Variants in LRRC28 observed in about 807,000 individuals in gnomAD.
LRRC28 encodes leucine rich repeat containing 28.
Under a neutral mutation model 45.7 loss-of-function variants are expected in LRRC28, and 39 were observed. The observed-to-expected ratio is 0.85, with a 90% CI of 0.66 to 1.12. The LOEUF is 1.12. Among genes scored for constraint, LRRC28 ranks in the 50% most tolerant of loss-of-function variants. The probability of loss-of-function intolerance (pLI) is 0.00; values close to 1 mark genes in which losing one functional copy is unlikely to be tolerated. For synonymous variants in LRRC28, 206 were observed against 178.8 expected, an observed-to-expected ratio of 1.15 and a Z score of -1.22; for missense variants, 435 against 438.5, an observed-to-expected ratio of 0.99 and a Z score of 0.07.
intron 1 of LRRC28, among the ~76,000 whole-genome samples, chr15:99,252,502 T>C (rs2080860035): frequency 6.6e-6 from 1 of 152,226 alleles, no homozygotes; most frequent in Admixed American, 6.5e-5. Context: ...GAGTGTGGTT[T>C]TGCATTATAG....
intron 9 of LRRC28, 169 bp downstream of exon 9, chr15:99,363,434 AC>A: frequency 1.5e-6 from 1 of 663,368 alleles, no homozygotes; most frequent in South Asian, 2.3e-5. Context: ...TCACAAGAAA[AC>A]TGGACTTGCC....
intron 5 of LRRC28, among the ~76,000 whole-genome samples, chr15:99,290,245 T>A (rs998434996): frequency 2.7e-5 from 4 of 147,800 alleles, no homozygotes; most frequent in Admixed American, 1.4e-4. Flanking sequence ...GGTGACAGAG[T>A]GAGACCCTGC....
At chr15:99,258,953 TC>T in intron 2 of LRRC28, 2 of 739,408 alleles carry the variant, frequency 2.7e-6, no homozygotes, top group South Asian at 2.7e-5. Context: ...TTTGAATGTT[TC>T]CTGTGAGACT....
chr15:99,258,946 G>T, intron 2 of LRRC28: 1 of 735,450 alleles, frequency 1.4e-6, no homozygotes, highest in Non-Finnish European at 2.6e-6. Flanking sequence ...GTCTGTCTTT[G>T]AATGTTTCCT....
rs532086716 is a variant in LRRC28, at chr15:99,362,286, A to G, written c.871+775A>G. ...GGTTTTAAAAGCTAAACAGAAAATT[A>G]TAGTTGTTCACCAATCAGTCAATTC... On this transcript the variant is annotated intron_variant, in intron 8 of 9. Coordinates refer to ENST00000301981, the MANE Select transcript of LRRC28 (RefSeq NM_144598.5). Among the ~76,000 whole-genome samples, 21 of 152,344 alleles carry G rather than the reference A, an allele frequency of 1.4e-4. No homozygotes were observed. In the South Asian group the frequency reaches 2.1e-3, roughly 15 times the overall value.
At chr15:99,322,351 T>A (rs747592719) in intron 5 of LRRC28, among the ~76,000 whole-genome samples, 1 of 151,972 alleles carries the variant, frequency 6.6e-6, no homozygotes, top group Non-Finnish European at 1.5e-5. Context: ...AGAAGACCAA[T>A]GGGGAGGCTT....
At position 99,388,364 on chromosome 15, in the gene LRRC28, A is replaced by G. The variant is rs1227686494; in HGVS notation, c.*2262A>G. ...ATACATTAGTTTTACCTTGTTTGAA[A>G]TTTTACAAAAATGCTTACAATCCAG... On this transcript the variant is annotated 3_prime_UTR_variant, in exon 10 of 10. Coordinates refer to ENST00000301981, the MANE Select transcript of LRRC28 (RefSeq NM_144598.5). The G allele has an allele frequency of 6.6e-6, 1 of 152,310 alleles. No individual in the cohort carries two copies. The allele number at this position is 152,310 out of a possible 1,614,324, so 9.4% of individuals were successfully genotyped here.
chr15:99,266,659 T>C (rs952803889), intron 2 of LRRC28, among the ~76,000 whole-genome samples: 1 of 152,174 alleles, frequency 6.6e-6, no homozygotes, highest in Non-Finnish European at 1.5e-5. Flanking sequence ...ATCTACCCAA[T>C]AGAAAAGTCT....
rs1567627598 is a variant in LRRC28, at chr15:99,287,313, T to C, written c.247+19T>C. The C allele has an allele frequency of 6.6e-7, 1 of 1,516,058 alleles. No individual in the cohort carries two copies. Among genetic ancestry groups the C allele is most frequent in the East Asian group, 2.4e-5 (1 of 41,280 alleles). The allele number at this position is 1,516,058 out of a possible 1,614,324, so 93.9% of individuals were successfully genotyped here. ...CCGGAAGGTATGTTTAACTTAAAAA[T>C]TTTAGTTAGAAGATAATATAATTTA... On this transcript the variant is annotated intron_variant, in intron 4 of 9. Coordinates refer to ENST00000301981, the MANE Select transcript of LRRC28 (RefSeq NM_144598.5).
intron 6 of LRRC28, among the ~76,000 whole-genome samples, chr15:99,340,075 A>G (rs142379785): frequency 1.6e-3 from 245 of 152,382 alleles, no homozygotes; most frequent in African/African-American, 5.7e-3. Flanking sequence ...ACGTGAGTGC[A>G]GAGAGTCATG....
Position 99,292,950 on chromosome 15 carries a change from A to G in LRRC28, c.385+4999A>G, listed in dbSNP as rs533965966. The stretch of plus-strand genomic sequence containing the variant: ...GAGTGATGATCTCTTTGGAGTTTCT[A>G]TTTTCAAATTGGAATTAAGTCCTCC... On this transcript the variant is annotated intron_variant, in intron 5 of 9. Coordinates refer to ENST00000301981, the MANE Select transcript of LRRC28 (RefSeq NM_144598.5). Among the ~76,000 whole-genome samples, 22 of 152,140 alleles carry G rather than the reference A, an allele frequency of 1.4e-4. No homozygotes were observed. In the East Asian group the frequency reaches 1.7e-3, roughly 12 times the overall value.
intron 2 of LRRC28, among the ~76,000 whole-genome samples, chr15:99,275,086 C>T (rs1597205994): frequency 6.6e-6 from 1 of 151,854 alleles, no homozygotes; most frequent in African/African-American, 2.4e-5. Context: ...TTTGAACCCC[C>T]TATGTGTGTG....
At chr15:99,366,568 C>T (rs1325501838) in intron 9 of LRRC28, among the ~76,000 whole-genome samples, 1 of 152,160 alleles carries the variant, frequency 6.6e-6, no homozygotes, top group Non-Finnish European at 1.5e-5. Flanking sequence ...CTGGTGAGGG[C>T]TCTCTTCCTA....
intron 9 of LRRC28, among the ~76,000 whole-genome samples, chr15:99,380,225 T>A (rs978909052): frequency 3.9e-5 from 6 of 152,172 alleles, no homozygotes; most frequent in Non-Finnish European, 5.9e-5. Context: ...GTGCTCCTGT[T>A]GTGGGTGCAT....
In LRRC28 at chr15:99,343,746, C is replaced by T. The variant is rs114052101; in HGVS notation, c.593-8623C>T. ...TAGTAATTAAAGGAAGAAAACAAAC[C>T]GCCCCAGTGGTTAGTACACGAGTGA... On this transcript the variant is annotated intron_variant, in intron 6 of 9. Coordinates refer to ENST00000301981, the MANE Select transcript of LRRC28 (RefSeq NM_144598.5). Among the ~76,000 whole-genome samples, 116 of 152,162 alleles carry T rather than the reference C, an allele frequency of 7.6e-4. 1 individual carries two copies. Among genetic ancestry groups the T allele is most frequent in the African/African-American group, 2.6e-3 (109 of 41,494 alleles).
At chr15:99,331,610 A>C (rs932461502) in intron 5 of LRRC28, among the ~76,000 whole-genome samples, 8 of 152,080 alleles carry the variant, frequency 5.3e-5, no homozygotes, top group African/African-American at 1.9e-4. Context: ...AATCTTCGGG[A>C]GATGTCATAT....
intron 5 of LRRC28, among the ~76,000 whole-genome samples, chr15:99,318,515 G>A (rs866141999): frequency 8.6e-5 from 13 of 151,952 alleles, no homozygotes; most frequent in Non-Finnish European, 4.4e-5. Context: ...ACATCTTTCT[G>A]TGCCACATTT....
intron 2 of LRRC28, chr15:99,258,424 C>A (rs2081091558): frequency 2.2e-6 from 2 of 916,080 alleles, no homozygotes; most frequent in Middle Eastern, 2.1e-4. Flanking sequence ...AAAATCTCAT[C>A]AAAAATATTC....
At chr15:99,344,236 A>G (rs1001130430) in intron 6 of LRRC28, among the ~76,000 whole-genome samples, 51 of 152,222 alleles carry the variant, frequency 3.4e-4, no homozygotes, top group African/African-American at 1.2e-3. Flanking sequence ...TCTGTGAGAA[A>G]GGTACTCTTA....
Sources: gnomAD v4.1 joint callset for allele counts (sites outside exome capture counted in the v4.1 genomes callset) on GRCh38, gnomAD v4.1.1 for gene constraint, MANE v1.5 for transcripts, NCBI Gene and HGNC (gene_info 2026-07-23, HGNC 2026-07-21) for gene names.